SNAP91: variants seen among roughly 807,000 people sequenced by gnomAD.
SNAP91 encodes the protein synaptosome associated protein 91, also known as clathrin coat assembly protein AP180.
In SNAP91, 27 loss-of-function variants were observed where a neutral mutation model predicts 100.3. The observed-to-expected ratio is 0.27, with a 90% confidence interval of 0.20 to 0.37. The LOEUF is 0.37. SNAP91 is among the 10% of genes least tolerant of loss of function. The probability of loss-of-function intolerance (pLI) is 1.00; values close to 1 mark genes in which losing one functional copy is unlikely to be tolerated. For missense variants in SNAP91, 986 were observed against 1,123.7 expected, an observed-to-expected ratio of 0.88 and a Z score of 1.75; for synonymous variants, 404 against 398.6, an observed-to-expected ratio of 1.01 and a Z score of -0.16.
At chr6:83,646,199 T>G (rs2097911514) in intron 7 of SNAP91, among the ~76,000 whole-genome samples, 1 of 152,216 alleles carries the variant, frequency 6.6e-6, no homozygotes, top group African/African-American at 2.4e-5. Flanking sequence ...TGACACTGTC[T>G]TTCATGGAGC....
chr6:83,676,990 T>C (rs892796090), intron 2 of SNAP91, among the ~76,000 whole-genome samples: 2 of 152,136 alleles, frequency 1.3e-5, no homozygotes, highest in Admixed American at 1.3e-4. Context: ...GAACAAAGAA[T>C]GATAAGCTTG....
chr6:83,669,404 T>C (rs1045189873), intron 2 of SNAP91, among the ~76,000 whole-genome samples: 6 of 151,964 alleles, frequency 3.9e-5, no homozygotes, highest in African/African-American at 1.5e-4. Flanking sequence ...GTATAGGTCA[T>C]GTATCAGTTT....
chr6:83,685,132 A>G (rs1033022196), intron 2 of SNAP91, among the ~76,000 whole-genome samples: 1 of 152,218 alleles, frequency 6.6e-6, no homozygotes, highest in Non-Finnish European at 1.5e-5. Context: ...CCCAGTATTT[A>G]TGCTTTAAGA....
At chr6:83,633,322 T>C (rs573220956) in intron 8 of SNAP91, among the ~76,000 whole-genome samples, 2 of 152,132 alleles carry the variant, frequency 1.3e-5, no homozygotes, top group South Asian at 4.2e-4. Flanking sequence ...TTAGCTTTGG[T>C]GGTTTAAGGC....
intron 3 of SNAP91, among the ~76,000 whole-genome samples, chr6:83,664,670 TAC>T (rs2098642015): frequency 6.6e-6 from 1 of 152,162 alleles, no homozygotes; most frequent in Non-Finnish European, 1.5e-5. Flanking sequence ...CTGGTAAAGA[TAC>T]TGTGAACATT....
At chr6:83,559,382 T>G (rs1488439821) in intron 28 of SNAP91, among the ~76,000 whole-genome samples, 4 of 152,220 alleles carry the variant, frequency 2.6e-5, no homozygotes, top group Non-Finnish European at 5.9e-5. Flanking sequence ...CATGATGATG[T>G]CCACAGGAGA....
intron 2 of SNAP91, among the ~76,000 whole-genome samples, chr6:83,683,805 G>C (rs1351728983): frequency 6.6e-6 from 1 of 152,136 alleles, no homozygotes; most frequent in Non-Finnish European, 1.5e-5. Context: ...AACCGACTTT[G>C]CCTAGCTCAG....
intron 2 of SNAP91, among the ~76,000 whole-genome samples, chr6:83,683,392 G>A (rs762497430): frequency 5.3e-5 from 8 of 152,120 alleles, no homozygotes; most frequent in Non-Finnish European, 8.8e-5. Flanking sequence ...TGGATCACTC[G>A]TGAATGGTTT....
intron 28 of SNAP91, among the ~76,000 whole-genome samples, chr6:83,559,258 T>A (rs866758351): frequency 2.6e-5 from 4 of 152,248 alleles, no homozygotes; most frequent in Middle Eastern, 6.8e-3. Context: ...GGGTTGAAGA[T>A]TGAGTTCCAC....
Position 83,684,254 on chromosome 6 carries a change from A to G in SNAP91, c.131-18673T>C, listed in dbSNP as rs538448085. ...AAAAAATTAAGAAAATATTCACTCA[A>G]ATCATGCTCTGAATTCTATGGTTCA... On this transcript the variant is annotated intron_variant, in intron 2 of 29. Coordinates refer to ENST00000369694, the MANE Select transcript of SNAP91 (RefSeq NM_001242792.2). 8.5e-5 allele frequency among the ~76,000 whole-genome samples: 13 copies of G among 152,246 alleles called. No homozygotes were observed. The Middle Eastern group carries it at 0.01, about 120-fold the overall frequency.
chr6:83,618,211 A>G (rs976548623), intron 9 of SNAP91, among the ~76,000 whole-genome samples: 1 of 151,748 alleles, frequency 6.6e-6, no homozygotes, highest in African/African-American at 2.4e-5. Flanking sequence ...ATTTGTAATT[A>G]TGTGATTATT....
chr6:83,703,878 C>T (rs967625797), intron 2 of SNAP91, among the ~76,000 whole-genome samples: 4 of 152,140 alleles, frequency 2.6e-5, no homozygotes, highest in Non-Finnish European at 5.9e-5. Flanking sequence ...TTCTGATTAT[C>T]ATAAATAGGA....
intron 22 of SNAP91, among the ~76,000 whole-genome samples, chr6:83,586,618 A>G (rs938986320): frequency 1.4e-4 from 21 of 152,204 alleles, no homozygotes; most frequent in Non-Finnish European, 2.5e-4. Context: ...CAGTTGGTAT[A>G]TTTTGAGCAG....
Position 83,593,515 on chromosome 6 carries a change from G to A in SNAP91, c.1659C>T (p.Thr553=), listed in dbSNP as rs372068171. 37 of 1,552,452 alleles carry A rather than the reference G, an allele frequency of 2.4e-5. No individual in the cohort carries two copies. The highest frequency in any genetic ancestry group is 2.0e-4 in the Admixed American group (10 of 51,026). The change falls in exon 18 of 30, where the codon ACC becomes ACT. Residue 553 remains threonine (T), a synonymous_variant. Transcript: ENST00000369694. ...ATTTTTTSAA[T]ATTAPPALDI... is the part of the protein sequence containing the mutation. Reference sequence around the variant, plus strand: ...CTAGAGCAGGAGGAGCAGTGGTGGCGGTGGCAGCGGAGGTGGTGGTAGTGG... The same window carrying A: ...CTAGAGCAGGAGGAGCAGTGGTGGCAGTGGCAGCGGAGGTGGTGGTAGTGG...
Position 83,593,514 on chromosome 6 carries a change from C to CGGTGGCAGCGGAGGTGGTGGTAGTGGT in SNAP91, c.1633_1659dup (p.Thr545_Thr553dup), listed in dbSNP as rs1297572575. ...TCTAGAGCAGGAGGAGCAGTGGTGGCGGTGGCAGCGGAGGTGGTGGTAGTG... is the reference window on the plus strand; with the variant it reads ...TCTAGAGCAGGAGGAGCAGTGGTGGCGGTGGCAGCGGAGGTGGTGGTAGTGGTGGTGGCAGCGGAGGTGGTGGTAGTG... On this transcript the variant is annotated inframe_insertion, in exon 18 of 30. Coordinates refer to ENST00000369694, the MANE Select transcript of SNAP91 (RefSeq NM_001242792.2). The CGGTGGCAGCGGAGGTGGTGGTAGTGGT allele has an allele frequency of 6.4e-6, 10 of 1,552,092 alleles. No individual in the cohort carries two copies. The highest frequency in any genetic ancestry group is 2.7e-5 in the African/African-American group (2 of 73,042).
chr6:83,571,841 T>C (rs1169465613), intron 26 of SNAP91, among the ~76,000 whole-genome samples: 2 of 152,128 alleles, frequency 1.3e-5, no homozygotes, highest in African/African-American at 2.4e-5. Context: ...TTCCCATGTG[T>C]TGTGGGAAGG....
At chr6:83,695,276 CAAAAAAAAAAA>C (rs56103542) in intron 2 of SNAP91, among the ~76,000 whole-genome samples, 4 of 67,300 alleles carry the variant, frequency 5.9e-5, no homozygotes, top group Admixed American at 4.4e-4. Context: ...GGCTCCATCT[CAAAAAAAAAAA>C]AAAAAAAAAA....
At chr6:83,658,648 T>TA (rs1424727543) in intron 6 of SNAP91, among the ~76,000 whole-genome samples, 2 of 151,990 alleles carry the variant, frequency 1.3e-5, no homozygotes, top group African/African-American at 4.8e-5. Flanking sequence ...AAATAAAAAA[T>TA]AAAAAAGATT....
intron 8 of SNAP91, among the ~76,000 whole-genome samples, chr6:83,628,527 T>TC (rs1562414057): frequency 6.6e-6 from 1 of 151,580 alleles, no homozygotes; most frequent in African/African-American, 2.4e-5. Flanking sequence ...TCTACTGTTT[T>TC]TTTTTTTATT....
Sources: allele counts gnomAD v4.1 joint callset (sites outside exome capture counted in the v4.1 genomes callset), GRCh38; gene constraint gnomAD v4.1.1; transcripts MANE v1.5; gene names NCBI Gene and HGNC (gene_info 2026-07-23, HGNC 2026-07-21).